The following ASCC3 variants were observed in gnomAD, a reference collection of about 807,000 sequenced individuals.
ASCC3 encodes the protein activating signal cointegrator 1 complex subunit 3, also known as ASC-1 complex subunit P200.
ASCC3 carries 158 observed loss-of-function variants against 256.3 expected under a neutral mutation model. The observed-to-expected ratio is 0.62, with a 90% CI of 0.54 to 0.70. The LOEUF (loss-of-function observed/expected upper bound fraction) is 0.70. Ranked by LOEUF, ASCC3 falls within the 30% of genes least tolerant of loss-of-function variation. ASCC3 has a pLI of 0.00. For missense variants in ASCC3, 2,259 were observed against 2,626.0 expected (o/e 0.86, Z 3.05); for synonymous variants, 948 against 883.4 (o/e 1.07, Z -1.30).
Position 100,508,798 on chromosome 6 carries a change from T to C in ASCC3, c.*588A>G, listed in dbSNP as rs1302393832. The C allele has an allele frequency of 2.6e-5, 4 of 153,126 alleles. No individual in the cohort carries two copies. Among genetic ancestry groups the C allele is most frequent in the Non-Finnish European group, 5.8e-5 (4 of 68,698 alleles). 9.5% of individuals were successfully genotyped at this position (153,126 alleles called of 1,614,324 possible). A position where few individuals can be genotyped will look rare whatever the true frequency, so the allele number is the denominator to read the frequency against. On this transcript the variant is annotated 3_prime_UTR_variant, in exon 42 of 42. Transcript: ENST00000369162. ...GTCTACATTTTCTAAGATCAGTATA[T>C]TGTTTTCTTTGTTATCATCATTAGG...
At position 100,627,869 on chromosome 6, in the gene ASCC3, G is replaced by T; in HGVS notation, c.4494C>A (p.Asp1498Glu). The change falls in exon 28 of 42, where the codon GAC (aspartate) becomes GAA (glutamate). Residue 1498 changes from aspartate (D) to glutamate (E), a missense_variant. By Grantham distance (45) the Asp-to-Glu change is conservative (BLOSUM62 2). Around this residue, in one of 2 missense-constraint regions of ASCC3, gnomAD observed 1,839 missense variants for 2,206.7 expected, o/e 0.83. Coordinates refer to ENST00000369162, the MANE Select transcript of ASCC3 (RefSeq NM_006828.4). The part of the protein sequence containing the change: ...GLSTALANAR[D>E]LADWLNIKQM... ...GCTTAATATTGAGCCAATCAGCAAG[G>T]TCTCTGGCATTAGCTAATGCAGTAG... The T allele has an allele frequency of 6.2e-7, 1 of 1,613,534 alleles. No individual in the cohort carries two copies.
At chr6:100,679,312 A>G (rs1777176354) in intron 14 of ASCC3, among the ~76,000 whole-genome samples, 3 of 152,172 alleles carry the variant, frequency 2.0e-5, no homozygotes, top group Admixed American at 2.0e-4. Flanking sequence ...TAGAAGTACA[A>G]TAATAAGCCC....
At chr6:100,619,258 C>A (rs890512587) in intron 30 of ASCC3, among the ~76,000 whole-genome samples, 10 of 152,120 alleles carry the variant, frequency 6.6e-5, no homozygotes, top group African/African-American at 2.4e-4. Flanking sequence ...GGCTTATTAT[C>A]AAAAGGATTA....
chr6:100,754,918 T>C (rs983459123), intron 10 of ASCC3, among the ~76,000 whole-genome samples: 9 of 152,158 alleles, frequency 5.9e-5, no homozygotes, highest in Non-Finnish European at 1.2e-4. Flanking sequence ...CCTGCTGCCA[T>C]GTAAGACATG....
chr6:100,678,080 G>T (rs1363079622), intron 14 of ASCC3, among the ~76,000 whole-genome samples: 1 of 152,090 alleles, frequency 6.6e-6, no homozygotes, highest in African/African-American at 2.4e-5. Context: ...AGGATTGAAT[G>T]AGTTACATAA....
At chr6:100,760,056 G>A (rs541729684) in intron 10 of ASCC3, among the ~76,000 whole-genome samples, 4 of 152,240 alleles carry the variant, frequency 2.6e-5, no homozygotes, top group African/African-American at 9.6e-5. Context: ...TTTTGGGGCT[G>A]AGCTGATAGT....
At chr6:100,590,683 A>G (rs1771960617) in intron 34 of ASCC3, among the ~76,000 whole-genome samples, 1 of 152,078 alleles carries the variant, frequency 6.6e-6, no homozygotes, top group African/African-American at 2.4e-5. Flanking sequence ...ATGGTTTTAC[A>G]TCTGTACAGG....
intron 17 of ASCC3, among the ~76,000 whole-genome samples, chr6:100,654,555 T>A (rs1175835391): frequency 6.6e-6 from 1 of 152,074 alleles, no homozygotes; most frequent in Non-Finnish European, 1.5e-5. Flanking sequence ...ATGCCCATAT[T>A]TGTGATGGGA....
chr6:100,707,854 C>A (rs977406848), intron 13 of ASCC3, among the ~76,000 whole-genome samples: 1 of 152,086 alleles, frequency 6.6e-6, no homozygotes, highest in African/African-American at 2.4e-5. Flanking sequence ...TTCCTTATAT[C>A]TAGCTCTCCA....
intron 10 of ASCC3, 93 bp downstream of exon 10, chr6:100,766,472 A>G (rs535219725): frequency 8.0e-7 from 1 of 1,250,896 alleles, no homozygotes; most frequent in Non-Finnish European, 1.2e-6. Flanking sequence ...TGTATTATGT[A>G]TTCTAGTTAT....
intron 3 of ASCC3, among the ~76,000 whole-genome samples, chr6:100,852,528 C>T (rs1263052984): frequency 1.3e-5 from 2 of 152,044 alleles, no homozygotes; most frequent in Admixed American, 6.5e-5. Flanking sequence ...ATAATAAAAA[C>T]GATTAGGTTT....
In ASCC3 at chr6:100,800,650, A is replaced by C; in HGVS notation, c.923-146T>G. 4.4e-6 allele frequency: 3 copies of C among 679,776 alleles called. No individual in the cohort carries two copies. In the East Asian group the frequency reaches 8.4e-5, roughly 19 times the overall value. 42.1% of individuals were successfully genotyped at this position (679,776 alleles called of 1,614,324 possible). ...GCTGGCAAATTCAATTATATGTTTT[A>C]AGGTGAGTTTTTAAAAATCACAGTA... On this transcript the variant is annotated intron_variant, in intron 5 of 41. Transcript: ENST00000369162.
rs766168348 is a variant in ASCC3 at position 100,848,538 on chromosome 6, A to T, written c.411T>A (p.Ile137=). Residue 137 remains isoleucine (I), a synonymous_variant, in exon 4 of 42, where the codon ATT becomes ATA. Coordinates refer to ENST00000369162, the MANE Select transcript of ASCC3 (RefSeq NM_006828.4). ...GATCATCTTGACTAAAATGAGAAAT[A>T]ATTCGATTAGTAGCATTACAAGCTG... ...ATAACNATNR[I]ISHFSQDDLT... 1 of 1,614,104 alleles carries T rather than the reference A, an allele frequency of 6.2e-7. No individual in the cohort carries two copies. The highest frequency in any genetic ancestry group is 8.5e-7 in the Non-Finnish European group (1 of 1,180,008).
chr6:100,637,476 T>C lies in ASCC3; in HGVS notation c.4122+1125A>G, dbSNP rs190505111. Among the ~76,000 whole-genome samples the C allele has an allele frequency of 4.6e-5, 7 of 152,288 alleles. No homozygotes were observed. The South Asian group carries it at 1.5e-3, about 32-fold the overall frequency. On this transcript the variant is annotated intron_variant, in intron 25 of 41. Coordinates refer to ENST00000369162, the MANE Select transcript of ASCC3 (RefSeq NM_006828.4). Reference sequence around the variant, plus strand: ...TGTTTTCATGCCTGCTAACATAACATCTATTCTGTACTCCAGGGATATAGG... The same window carrying C: ...TGTTTTCATGCCTGCTAACATAACACCTATTCTGTACTCCAGGGATATAGG...
intron 25 of ASCC3, among the ~76,000 whole-genome samples, chr6:100,634,864 C>CAAAAAAAAAAAAAAAAAA (rs199632200): frequency 3.4e-5 from 4 of 119,286 alleles, no homozygotes; most frequent in South Asian, 2.9e-4. Context: ...CCTCAAAAAA[C>CAAAAAAAAAAAAAAAAAA]AAAAAAAAAA....
At chr6:100,520,211 C>T (rs1448159660) in intron 37 of ASCC3, among the ~76,000 whole-genome samples, 1 of 152,070 alleles carries the variant, frequency 6.6e-6, no homozygotes, top group African/African-American at 2.4e-5. Flanking sequence ...TAAAAGTGAT[C>T]ATATCATTCC....
At chr6:100,720,592 G>A (rs1431554858) in intron 11 of ASCC3, among the ~76,000 whole-genome samples, 6 of 151,704 alleles carry the variant, frequency 4.0e-5, no homozygotes, top group Non-Finnish European at 7.4e-5. Flanking sequence ...AGTTTTGTGT[G>A]GCTGGAACCT....
chr6:100,684,142 A>T (rs1384118874), intron 13 of ASCC3, among the ~76,000 whole-genome samples: 2 of 152,226 alleles, frequency 1.3e-5, no homozygotes, highest in African/African-American at 4.8e-5. Flanking sequence ...GGAAAGAAGG[A>T]CATATTATTT....
intron 37 of ASCC3, among the ~76,000 whole-genome samples, chr6:100,521,772 G>T (rs72949504): frequency 6.6e-6 from 1 of 152,208 alleles, no homozygotes; most frequent in Non-Finnish European, 1.5e-5. Context: ...CCTGATAGGG[G>T]CTAAGGCCAA....
Sources: allele counts gnomAD v4.1 joint callset (sites outside exome capture counted in the v4.1 genomes callset), GRCh38; gene constraint gnomAD v4.1.1; regional missense constraint gnomAD v4.1.1; transcripts MANE v1.5; gene names NCBI Gene and HGNC (gene_info 2026-07-23, HGNC 2026-07-21).